MROH2B: variants seen among roughly 807,000 people sequenced by gnomAD.
The protein encoded by MROH2B is maestro heat like repeat family member 2B.
Under a neutral mutation model 208.6 loss-of-function variants are expected in MROH2B, and 177 were observed. The observed-to-expected ratio is 0.85, with a 90% CI of 0.75 to 0.96. MROH2B has a LOEUF of 0.96. Ranked by LOEUF, MROH2B falls within the 40% of genes least tolerant of loss-of-function variation. The pLI is 0.00. For missense variants in MROH2B, 2,002 were observed against 1,878.7 expected (o/e 1.07, Z -1.21); for synonymous variants, 728 against 659.0 (o/e 1.10, Z -1.60).
intron 37 of MROH2B, 38 bp from the exon 38 acceptor site, chr5:41,000,871 C>A: frequency 1.3e-6 from 2 of 1,580,718 alleles, no homozygotes. Flanking sequence ...AATATCCTCT[C>A]AGAGGCCATT....
chr5:41,005,657 A>G lies in MROH2B; in HGVS notation c.3750-12T>C. On this transcript the variant is annotated splice_polypyrimidine_tract_variant and intron_variant, in intron 34 of 41. Transcript: ENST00000399564. ...ACACTGCCATGCTCCTAGAAAATGC[A>G]CATTTTAGCAGAGACATATTTTACT... The G allele has an allele frequency of 1.3e-6, 2 of 1,586,712 alleles. No individual in the cohort carries two copies. Among genetic ancestry groups the G allele is most frequent in the Non-Finnish European group, 1.7e-6 (2 of 1,160,392 alleles).
At chr5:41,027,827 G>A (rs1450988311) in intron 24 of MROH2B, among the ~76,000 whole-genome samples, 1 of 152,142 alleles carries the variant, frequency 6.6e-6, no homozygotes, top group Non-Finnish European at 1.5e-5. Flanking sequence ...AGAAAATGTG[G>A]CACATATACA....
chr5:41,039,463 G>GAA lies in MROH2B; in HGVS notation c.2044_2045dup (p.Met683SerfsTer2), dbSNP rs1561294946. 6.3e-7 allele frequency: 1 copy of GAA among 1,592,754 alleles called. No homozygotes were observed. The highest frequency in any genetic ancestry group is 8.6e-7 in the Non-Finnish European group (1 of 1,166,714). ...TTCTTCTTACCTTACATCGATTCAT[G>GAA]AAAAACTTTTCCTGATTTTGGAATG... On this transcript the variant is annotated frameshift_variant, in exon 20 of 42. Transcript: ENST00000399564. LOFTEE classifies it high-confidence loss of function.
At chr5:41,066,737 T>C (rs1461327620) in intron 3 of MROH2B, among the ~76,000 whole-genome samples, 2 of 152,182 alleles carry the variant, frequency 1.3e-5, no homozygotes, top group East Asian at 3.8e-4. Flanking sequence ...ATGTTGTCTA[T>C]CAGACAATCT....
intron 5 of MROH2B, among the ~76,000 whole-genome samples, chr5:41,062,450 A>G (rs1743671083): frequency 6.6e-6 from 1 of 151,952 alleles, no homozygotes; most frequent in Non-Finnish European, 1.5e-5. Flanking sequence ...CTTTGAAATA[A>G]CTCATCAACA....
intron 17 of MROH2B, among the ~76,000 whole-genome samples, chr5:41,046,934 G>T (rs367877233): frequency 1.3e-5 from 2 of 152,130 alleles, no homozygotes; most frequent in East Asian, 3.8e-4. Context: ...TTTAAAACAT[G>T]CCAGTTCTCA....
chr5:41,004,991 A>G, intron 35 of MROH2B, 71 bp from the exon 36 acceptor site: 1 of 1,547,176 alleles, frequency 6.5e-7, no homozygotes. Context: ...TGCCAAAGAC[A>G]TCACAAGTAC....
chr5:41,033,650 T>C (rs1481686489), intron 22 of MROH2B, among the ~76,000 whole-genome samples, 188 bp downstream of exon 22: 1 of 152,038 alleles, frequency 6.6e-6, no homozygotes, highest in African/African-American at 2.4e-5. Context: ...GGAACCAGAA[T>C]ATAGTTCCTT....
intron 37 of MROH2B, among the ~76,000 whole-genome samples, chr5:41,001,528 T>C (rs1309745858): frequency 1.3e-5 from 2 of 152,058 alleles, no homozygotes; most frequent in Non-Finnish European, 2.9e-5. Flanking sequence ...CTGGCCAAAA[T>C]GGTGAAACCC....
In MROH2B at chr5:41,036,496, C is replaced by T. The variant is rs556787763; in HGVS notation, c.2214+2240G>A. ...TCTTTATCAGCAGAGTGAAAATGGA[C>T]GAATACAGTAAATATACCATGGATT... is the stretch of plus-strand genomic sequence containing the variant. On this transcript the variant is annotated intron_variant, in intron 21 of 41. Transcript: ENST00000399564. Among the ~76,000 whole-genome samples, 46 of 151,968 alleles carry T rather than the reference C, an allele frequency of 3.0e-4. No homozygotes were observed. In the South Asian group the frequency reaches 7.7e-3, roughly 25 times the overall value.
In MROH2B at chr5:40,999,627, AG is replaced by A. The variant is rs1048647883; in HGVS notation, c.4585+49del. On this transcript the variant is annotated intron_variant, in intron 40 of 41. Transcript: ENST00000399564. The stretch of plus-strand genomic sequence containing the variant: ...GACAGCTTCTGGTCAAAGCAAAACT[AG>A]GTGGAAAAAGCAGACATATCTGGGT... 2.0e-6 allele frequency: 3 copies of A among 1,512,310 alleles called. No homozygotes were observed. In the African/African-American group the frequency reaches 4.1e-5, roughly 21 times the overall value. The allele number at this position is 1,512,310 out of a possible 1,614,324, so 93.7% of individuals were successfully genotyped here.
At chr5:41,018,614 T>C (rs967245881) in intron 26 of MROH2B, 77 bp downstream of exon 26, 3 of 1,538,438 alleles carry the variant, frequency 2.0e-6, no homozygotes, top group Non-Finnish European at 2.7e-6. Context: ...GTAAGGAAAA[T>C]GCAGTAGAGT....
chr5:41,052,543 C>A lies in MROH2B; in HGVS notation c.1152G>T (p.Lys384Asn), dbSNP rs1743317955. 6.2e-7 allele frequency: 1 copy of A among 1,612,144 alleles called. No homozygotes were observed. The change falls in exon 12 of 42, where the codon AAG becomes AAT. Residue 384 changes from lysine (K) to asparagine (N), a missense_variant. Lys to Asn is a moderately conservative substitution (Grantham distance 94). Transcript: ENST00000399564. ...ATCCTTCCCGAGCTTCAATATAGGA[C>A]TTTTCACACATGGTTTGGATGAGGA... ...VLLLIQTMCE[K>N]SYIEAREGWP... is the part of the protein sequence containing the mutation.
intron 29 of MROH2B, 57 bp downstream of exon 29, chr5:41,015,324 C>G: frequency 6.8e-7 from 1 of 1,468,674 alleles, no homozygotes; most frequent in Middle Eastern, 1.7e-4. Context: ...ATGTAGCTTA[C>G]TCATTTGGAA....
chr5:41,024,540 C>A (rs1262842301), intron 24 of MROH2B, among the ~76,000 whole-genome samples: 3 of 152,032 alleles, frequency 2.0e-5, no homozygotes, highest in Non-Finnish European at 2.9e-5. Flanking sequence ...TAAAGCAAGT[C>A]CTGAGTGACC....
At chr5:41,064,260 C>A (rs1479927435) in intron 5 of MROH2B, among the ~76,000 whole-genome samples, 1 of 152,078 alleles carries the variant, frequency 6.6e-6, no homozygotes, top group Non-Finnish European at 1.5e-5. Flanking sequence ...ATACAATGGG[C>A]AAATAGTACT....
At chr5:41,054,743 AAG>A in intron 11 of MROH2B, 22 bp downstream of exon 11, 2 of 1,548,044 alleles carry the variant, frequency 1.3e-6, no homozygotes, top group Non-Finnish European at 1.8e-6. Flanking sequence ...TACCATCGAC[AAG>A]AGTTTCTATT....
chr5:40,998,686 A>G lies in MROH2B; in HGVS notation c.4586-9T>C, dbSNP rs993337329. ...ATTGAGAACAACGGCATCTAAAGTT[A>G]ATAGGAGACCATGTTACTGATTTCA... is the stretch of plus-strand genomic sequence containing the variant. On this transcript the variant is annotated splice_polypyrimidine_tract_variant and intron_variant, in intron 40 of 41. Transcript: ENST00000399564. 4 of 1,572,796 alleles carry G rather than the reference A, an allele frequency of 2.5e-6. No individual in the cohort carries two copies. In the South Asian group the frequency reaches 4.7e-5, roughly 18 times the overall value.
intron 38 of MROH2B, 30 bp from the exon 39 acceptor site, chr5:41,000,381 C>A: frequency 1.9e-6 from 3 of 1,609,074 alleles, no homozygotes; most frequent in Non-Finnish European, 2.5e-6. Context: ...GCATCACAGT[C>A]CAGAACGTTA....
Sources: allele counts gnomAD v4.1 joint callset (sites outside exome capture counted in the v4.1 genomes callset), GRCh38; gene constraint gnomAD v4.1.1; transcripts MANE v1.5; gene names NCBI Gene and HGNC (gene_info 2026-07-23, HGNC 2026-07-21).